Variants in CREB5 observed in about 807,000 individuals in gnomAD.
CREB5 encodes cyclic AMP-responsive element-binding protein 5.
Under a neutral mutation model 57.1 loss-of-function variants are expected in CREB5, and 19 were observed. That is an observed-to-expected ratio of 0.33 (90% CI 0.23 to 0.49). CREB5 has a LOEUF of 0.49. Among genes scored for constraint, CREB5 ranks in the 20% least tolerant of loss-of-function variants. The pLI, the probability that CREB5 is intolerant of heterozygous loss-of-function variation, is 0.99. For missense variants in CREB5, 579 were observed against 671.6 expected, an observed-to-expected ratio of 0.86 and a Z score of 1.52; for synonymous variants, 238 against 238.3, an observed-to-expected ratio of 1.00 and a Z score of 0.01.
chr7:28,460,917 G>A (rs1477228845), intron 1 of CREB5, among the ~76,000 whole-genome samples: 1 of 152,002 alleles, frequency 6.6e-6, no homozygotes, highest in Non-Finnish European at 1.5e-5. Context: ...TCTTATGGGG[G>A]GGCATAGTGG....
At chr7:28,765,094 T>G (rs1224307137) in intron 7 of CREB5, among the ~76,000 whole-genome samples, 1 of 152,240 alleles carries the variant, frequency 6.6e-6, no homozygotes, top group East Asian at 1.9e-4. Flanking sequence ...TTACTGACAT[T>G]TTTATTCTTT....
intron 1 of CREB5, among the ~76,000 whole-genome samples, chr7:28,312,441 T>C (rs960633890): frequency 3.3e-5 from 5 of 152,046 alleles, no homozygotes; most frequent in African/African-American, 1.2e-4. Context: ...GGGGGCTCAG[T>C]GACAAGACCG....
chr7:28,594,328 A>T (rs1187327319), intron 5 of CREB5, among the ~76,000 whole-genome samples: 1 of 152,214 alleles, frequency 6.6e-6, no homozygotes, highest in East Asian at 1.9e-4. Flanking sequence ...GGATTCAAAC[A>T]CTAGATGAAT....
intron 5 of CREB5, among the ~76,000 whole-genome samples, chr7:28,698,145 A>C (rs1801667286): frequency 6.6e-6 from 1 of 152,180 alleles, no homozygotes; most frequent in Non-Finnish European, 1.5e-5. Context: ...GATGGATTTC[A>C]GGTTTGTGCC....
At chr7:28,579,401 A>G (rs1044133860) in intron 5 of CREB5, among the ~76,000 whole-genome samples, 3 of 152,074 alleles carry the variant, frequency 2.0e-5, no homozygotes, top group Non-Finnish European at 2.9e-5. Flanking sequence ...TGTAATAAAC[A>G]TTCTTAATGG....
rs59374546 is a variant in CREB5, at chr7:28,808,712, CTTTTTTTTTTTTTTTTT to C, written c.1027-462_1027-446del. 6.0e-5 allele frequency among the ~76,000 whole-genome samples: 5 copies of C among 83,194 alleles called. No individual in the cohort carries two copies. The East Asian group carries it at 1.6e-3, about 27-fold the overall frequency. The allele number at this position is 83,194 out of a possible 152,430, so 54.6% of individuals were successfully genotyped here. The stretch of plus-strand genomic sequence containing the variant: ...CGCCACCATGCCTGGCCAATTTTTC[CTTTTTTTTTTTTTTTTT>C]TTTTTTTTTTTTGTAGAGACAGGGT... On this transcript the variant is annotated intron_variant, in intron 8 of 10. Coordinates refer to ENST00000357727, the MANE Select transcript of CREB5 (RefSeq NM_182898.4).
At chr7:28,772,496 C>T (rs1476787221) in intron 7 of CREB5, among the ~76,000 whole-genome samples, 2 of 151,964 alleles carry the variant, frequency 1.3e-5, no homozygotes, top group African/African-American at 2.4e-5. Flanking sequence ...TGGGAGAAGG[C>T]GCGCCCAGCA....
chr7:28,737,575 ATATATAT>A (rs1804093886), intron 7 of CREB5, among the ~76,000 whole-genome samples: 3 of 36,886 alleles, frequency 8.1e-5, no homozygotes, highest in Middle Eastern at 0.015. Flanking sequence ...ATATATATAT[ATATATAT>A]ATATATTTTT....
intron 1 of CREB5, among the ~76,000 whole-genome samples, chr7:28,419,941 T>C (rs1788175452): frequency 1.3e-5 from 2 of 152,226 alleles, no homozygotes; most frequent in African/African-American, 2.4e-5. Flanking sequence ...TCATCAAAGA[T>C]GAGGGTGCAG....
At chr7:28,303,953 C>A (rs534604809) in intron 1 of CREB5, among the ~76,000 whole-genome samples, 35 of 152,056 alleles carry the variant, frequency 2.3e-4, no homozygotes, top group Non-Finnish European at 3.8e-4. Flanking sequence ...AATCAGGCAA[C>A]CTTGCTAATA....
intron 4 of CREB5, among the ~76,000 whole-genome samples, chr7:28,559,883 G>A (rs1335230617): frequency 6.6e-6 from 1 of 152,154 alleles, no homozygotes; most frequent in Non-Finnish European, 1.5e-5. Flanking sequence ...AATAACAATC[G>A]CACATTGTGA....
chr7:28,315,366 ACT>A (rs1219114683), intron 1 of CREB5, among the ~76,000 whole-genome samples: 9 of 152,014 alleles, frequency 5.9e-5, no homozygotes, highest in Non-Finnish European at 1.5e-5. Flanking sequence ...CACTATGATG[ACT>A]CTGTTTGCAG....
intron 7 of CREB5, among the ~76,000 whole-genome samples, chr7:28,762,203 A>C (rs1053381251): frequency 2.6e-5 from 4 of 152,184 alleles, no homozygotes; most frequent in African/African-American, 9.7e-5. Flanking sequence ...TTTGGTTGTC[A>C]ATTTGGGTCG....
intron 4 of CREB5, among the ~76,000 whole-genome samples, chr7:28,561,258 C>T (rs1258647078): frequency 6.6e-6 from 1 of 152,138 alleles, no homozygotes; most frequent in Non-Finnish European, 1.5e-5. Context: ...GGAAATCAGA[C>T]CCTGTCCCCA....
intron 5 of CREB5, among the ~76,000 whole-genome samples, chr7:28,582,446 C>T (rs1054780888): frequency 9.2e-5 from 14 of 152,244 alleles, no homozygotes; most frequent in African/African-American, 2.4e-4. Context: ...TTAACTTTTA[C>T]GTCAAAGACC....
At chr7:28,384,268 A>T (rs1427445414) in intron 1 of CREB5, among the ~76,000 whole-genome samples, 2 of 152,242 alleles carry the variant, frequency 1.3e-5, no homozygotes, top group Non-Finnish European at 2.9e-5. Context: ...CTGCTGGTGG[A>T]GAGCGAGTGC....
At chr7:28,373,496 AG>A (rs1368747207) in intron 1 of CREB5, among the ~76,000 whole-genome samples, 2 of 148,102 alleles carry the variant, frequency 1.4e-5, no homozygotes, top group African/African-American at 5.0e-5. Context: ...GCTGAAGTGC[AG>A]TAGCGCGACC....
intron 1 of CREB5, among the ~76,000 whole-genome samples, chr7:28,300,100 T>C (rs1047591690): frequency 6.7e-6 from 1 of 150,156 alleles, no homozygotes; most frequent in African/African-American, 2.5e-5. Flanking sequence ...ATTTATTTAT[T>C]ACTACCTTAG....
intron 1 of CREB5, among the ~76,000 whole-genome samples, chr7:28,431,482 C>A: frequency 6.6e-6 from 1 of 152,166 alleles, no homozygotes. Context: ...GTAAACAACC[C>A]TGATTTTTTC....
Sources: allele counts gnomAD v4.1 joint callset (sites outside exome capture counted in the v4.1 genomes callset), GRCh38; gene constraint gnomAD v4.1.1; transcripts MANE v1.5; gene names NCBI Gene and HGNC (gene_info 2026-07-23, HGNC 2026-07-21).